Variants in SLC6A5 observed in about 807,000 individuals in gnomAD.
SLC6A5 encodes the protein sodium- and chloride-dependent glycine transporter 2.
A neutral mutation model predicts 90.5 loss-of-function variants in SLC6A5; 58 were observed. That is an observed-to-expected ratio of 0.64 (90% confidence interval 0.52 to 0.80). The LOEUF (loss-of-function observed/expected upper bound fraction) is 0.80. Among genes scored for constraint, SLC6A5 ranks in the 30% least tolerant of loss-of-function variants. SLC6A5 has a pLI of 0.00. For missense variants in SLC6A5, 1,015 were observed against 1,017.6 expected, an observed-to-expected ratio of 1.00 and a Z score of 0.03; for synonymous variants, 427 against 401.4, an observed-to-expected ratio of 1.06 and a Z score of -0.76.
chr11:20,633,430 G>A (rs1019933571), intron 10 of SLC6A5, among the ~76,000 whole-genome samples: 4 of 152,192 alleles, frequency 2.6e-5, no homozygotes, highest in Middle Eastern at 3.2e-3. Flanking sequence ...TCTGCCCAAA[G>A]GCACAGAGGT....
intron 14 of SLC6A5, among the ~76,000 whole-genome samples, chr11:20,651,343 G>A (rs11025677): frequency 1.4e-5 from 2 of 148,128 alleles, no homozygotes; most frequent in South Asian, 2.2e-4. Flanking sequence ...GCATGATCTC[G>A]GCTTACTGCA....
At chr11:20,629,818 C>T (rs1379453576) in intron 9 of SLC6A5, among the ~76,000 whole-genome samples, 1 of 151,870 alleles carries the variant, frequency 6.6e-6, no homozygotes, top group Non-Finnish European at 1.5e-5. Flanking sequence ...CAACCTCCAC[C>T]TCCCAGGTTC....
chr11:20,601,625 C>A lies in SLC6A5; in HGVS notation c.500C>A (p.Thr167Lys), dbSNP rs61736603. The A allele has an allele frequency of 3.2e-3, 5,239 of 1,614,056 alleles. 187 individuals carry two copies. In the African/African-American group the frequency reaches 0.062, roughly 19 times the overall value. The change falls in exon 2 of 16, where the codon ACG becomes AAG. Residue 167 changes from threonine (T) to lysine (K), a missense_variant. Physicochemically the swap from Thr to Lys is moderately conservative, Grantham distance 78. This residue lies in a region of SLC6A5 where 567 missense variants were observed against 507.3 expected (regional missense o/e 1.12). Transcript: ENST00000525748. The stretch of plus-strand genomic sequence containing the variant: ...GTGGTGCTGGCCACGGATGGAATCA[C>A]GTCCGTGCTCCCGGGCAGCGTGGCC... ...STVVLATDGI[T>K]SVLPGSVATV... is the part of the protein sequence containing the mutation.
intron 10 of SLC6A5, among the ~76,000 whole-genome samples, chr11:20,631,286 G>T (rs965822317): frequency 1.3e-5 from 2 of 152,204 alleles, no homozygotes; most frequent in Admixed American, 6.5e-5. Context: ...TTTTCTGATT[G>T]TTAGGTCAAA....
rs982830090 is a variant in SLC6A5 at position 20,654,925 on chromosome 11, A to G, written c.*57A>G. ...CTGTTTTTCCTCTCTGCCTCCTCCT[A>G]ATGTTTTCCATAGCTCTCCTCCCAT... On this transcript the variant is annotated 3_prime_UTR_variant, in exon 16 of 16. Coordinates refer to ENST00000525748, the MANE Select transcript of SLC6A5 (RefSeq NM_004211.5). 1 of 1,534,494 alleles carries G rather than the reference A, an allele frequency of 6.5e-7. No individual in the cohort carries two copies. The highest frequency in any genetic ancestry group is 1.7e-5 in the Admixed American group (1 of 59,924).
rs1853653599 is a variant in SLC6A5, at chr11:20,657,649, G to A, written c.*2781G>A. 6.6e-6 allele frequency: 1 copy of A among 152,208 alleles called. No individual in the cohort carries two copies. The highest frequency in any genetic ancestry group is 6.5e-5 in the Admixed American group (1 of 15,274). 9.4% of individuals were successfully genotyped at this position (152,208 alleles called of 1,614,324 possible). ...AAGTGGGGGAAAAAACCGAGTAGCT[G>A]AGGAAAGACTTTCATTGGTTCACTG... On this transcript the variant is annotated 3_prime_UTR_variant, in exon 16 of 16. Transcript: ENST00000525748.
chr11:20,620,531 G>T (rs1852869667), intron 7 of SLC6A5, among the ~76,000 whole-genome samples: 1 of 152,186 alleles, frequency 6.6e-6, no homozygotes, highest in Non-Finnish European at 1.5e-5. Flanking sequence ...ACTGGGTATT[G>T]TGCCACTTTG....
At chr11:20,616,935 C>A (rs1005555584) in intron 6 of SLC6A5, among the ~76,000 whole-genome samples, 1 of 152,220 alleles carries the variant, frequency 6.6e-6, no homozygotes, top group African/African-American at 2.4e-5. Context: ...AGAAAAACGT[C>A]AACCTACAAA....
At chr11:20,642,300 G>A (rs1853329835) in intron 13 of SLC6A5, among the ~76,000 whole-genome samples, 1 of 151,756 alleles carries the variant, frequency 6.6e-6, no homozygotes, top group South Asian at 2.1e-4. Context: ...GTGGTTTAGA[G>A]AGGCAAAAGC....
chr11:20,614,807 G>A lies in SLC6A5; in HGVS notation c.1114G>A (p.Glu372Lys). Residue 372 changes from glutamate to lysine, a missense_variant, in exon 6 of 16, where the codon GAA becomes AAA. Around this residue, in one of 3 missense-constraint regions of SLC6A5, gnomAD observed 567 missense variants for 507.3 expected, o/e 1.12. Coordinates refer to ENST00000525748, the MANE Select transcript of SLC6A5 (RefSeq NM_004211.5). ...QANKTFVSGS[E>K]EYFKYFVLKI... Reference sequence around the variant, plus strand: ...CAATAAGACATTTGTCAGTGGAAGTGAAGAGTACTTCAAGTAAGATGACTT... The same window carrying A: ...CAATAAGACATTTGTCAGTGGAAGTAAAGAGTACTTCAAGTAAGATGACTT... 1.9e-6 allele frequency: 3 copies of A among 1,613,724 alleles called. No homozygotes were observed. Among genetic ancestry groups the A allele is most frequent in the Non-Finnish European group, 2.5e-6 (3 of 1,179,552 alleles).
Position 20,656,293 on chromosome 11 carries a change from T to C in SLC6A5, c.*1425T>C, listed in dbSNP as rs1853636223. ...TTGAATTCTGTAGAGATGGTGAGTT[T>C]AGTATAGTGTAGTCTGGGGATTTTA... On this transcript the variant is annotated 3_prime_UTR_variant, in exon 16 of 16. Coordinates refer to ENST00000525748, the MANE Select transcript of SLC6A5 (RefSeq NM_004211.5). 6.6e-6 allele frequency: 1 copy of C among 152,206 alleles called. No individual in the cohort carries two copies. Among genetic ancestry groups the C allele is most frequent in the African/African-American group, 2.4e-5 (1 of 41,460 alleles). 9.4% of individuals were successfully genotyped at this position (152,206 alleles called of 1,614,324 possible).
Position 20,657,880 on chromosome 11 carries a change from A to T in SLC6A5, c.*3012A>T, listed in dbSNP as rs968387574. On this transcript the variant is annotated 3_prime_UTR_variant, in exon 16 of 16. Coordinates refer to ENST00000525748, the MANE Select transcript of SLC6A5 (RefSeq NM_004211.5). ...ATTAGTAACTTTTATTATCTTTAGG[A>T]CTGTGCTTATCAGGTACAAATGTGT... is the stretch of plus-strand genomic sequence containing the variant. 1 of 152,170 alleles carries T rather than the reference A, an allele frequency of 6.6e-6. No individual in the cohort carries two copies. The highest frequency in any genetic ancestry group is 1.5e-5 in the Non-Finnish European group (1 of 68,024). 9.4% of individuals were successfully genotyped at this position (152,170 alleles called of 1,614,324 possible).
At chr11:20,630,846 G>A (rs1853096593) in intron 10 of SLC6A5, 31 bp downstream of exon 10, 1 of 1,613,188 alleles carries the variant, frequency 6.2e-7, no homozygotes, top group Non-Finnish European at 8.5e-7. Flanking sequence ...TGCTGTTGCA[G>A]GGCAGGTCCC....
Position 20,601,531 on chromosome 11 carries a change from GT to G in SLC6A5, c.407del (p.Val136GlyfsTer17). ...RGPEGDANVS[V>X]GKGTLERNNT... ...CCCGGAGGGGGATGCGAACGTGAGT[GT>G]GGGCAAGGGCACCCTGGAGCGGAAC... On this transcript the variant is annotated frameshift_variant, in exon 2 of 16. Coordinates refer to ENST00000525748, the MANE Select transcript of SLC6A5 (RefSeq NM_004211.5). LOFTEE classifies it high-confidence loss of function. 1 of 1,614,164 alleles carries G rather than the reference GT, an allele frequency of 6.2e-7. No individual in the cohort carries two copies. Among genetic ancestry groups the G allele is most frequent in the East Asian group, 2.2e-5 (1 of 44,874 alleles).
chr11:20,604,282 C>T lies in SLC6A5; in HGVS notation c.541-4C>T. ...TTATCGACAATGTGCTTTTCCGCCC[C>T]CAGGAGGACGAGCAAGGGGATGAGA... On this transcript the variant is annotated splice_region_variant and splice_polypyrimidine_tract_variant and intron_variant, in intron 2 of 15. Coordinates refer to ENST00000525748, the MANE Select transcript of SLC6A5 (RefSeq NM_004211.5). 2 of 1,608,396 alleles carry T rather than the reference C, an allele frequency of 1.2e-6. No homozygotes were observed. Among genetic ancestry groups the T allele is most frequent in the Admixed American group, 1.7e-5 (1 of 59,800 alleles).
At chr11:20,611,939 C>G (rs1222113697) in intron 5 of SLC6A5, among the ~76,000 whole-genome samples, 2 of 152,118 alleles carry the variant, frequency 1.3e-5, no homozygotes. Flanking sequence ...AGGTCCTCTT[C>G]TCTTAATTAA....
chr11:20,654,221 T>G (rs1853596302), intron 15 of SLC6A5, among the ~76,000 whole-genome samples: 1 of 152,210 alleles, frequency 6.6e-6, no homozygotes, highest in Admixed American at 6.5e-5. Context: ...TTGGATTTTT[T>G]TTTTCCTCCG....
chr11:20,622,080 G>A (rs980110518), intron 7 of SLC6A5, among the ~76,000 whole-genome samples: 1 of 152,206 alleles, frequency 6.6e-6, no homozygotes, highest in African/African-American at 2.4e-5. Context: ...AGATGGGCGA[G>A]TCAGTGTCAC....
intron 13 of SLC6A5, among the ~76,000 whole-genome samples, chr11:20,642,960 G>A (rs935002050): frequency 3.9e-5 from 6 of 152,208 alleles, no homozygotes; most frequent in African/African-American, 1.2e-4. Context: ...GTCTCTTGCT[G>A]AAAACTGAGC....
Sources: gnomAD v4.1 joint callset for allele counts (sites outside exome capture counted in the v4.1 genomes callset) on GRCh38, gnomAD v4.1.1 for gene constraint, gnomAD v4.1.1 regional missense constraint, MANE v1.5 for transcripts, NCBI Gene and HGNC (gene_info 2026-07-23, HGNC 2026-07-21) for gene names.